Variants in TRPM5 observed in about 807,000 individuals in gnomAD.
TRPM5 encodes transient receptor potential cation channel subfamily M member 5.
Under a neutral mutation model 124.9 loss-of-function variants are expected in TRPM5, and 121 were observed. That is an observed-to-expected ratio of 0.97 (90% CI 0.84 to 1.13). TRPM5 has a LOEUF of 1.13. TRPM5 is among the 50% of genes most tolerant of loss of function. The pLI is 0.00. For missense variants in TRPM5, 1,643 were observed against 1,589.1 expected (o/e 1.03, Z -0.58); for synonymous variants, 781 against 700.5 (o/e 1.11, Z -1.81).
At chr11:2,427,445 C>T (rs968587979), upstream of TRPM5, among the ~76,000 whole-genome samples, 2 of 152,360 alleles carry the variant, frequency 1.3e-5, no homozygotes, top group African/African-American at 2.4e-5. Context: ...TCCTCTTCCC[C>T]GCCCACAACT....
At chr11:2,404,700 A>T (rs1242458939) in exon 24 of TRPM5, 1 of 531,106 alleles carries the variant, frequency 1.9e-6, no homozygotes, top group Non-Finnish European at 3.4e-6. Context: ...CTGCCCGGGG[A>T]GTTGTGCCTG....
At chr11:2,414,291 C>G in intron 11 of TRPM5, 85 bp from the exon 17 acceptor site, 1 of 1,502,902 alleles carries the variant, frequency 6.7e-7, no homozygotes, top group Non-Finnish European at 8.9e-7. Flanking sequence ...CCTGCCCAGA[C>G]CTGGGCTCTG....
intron 7 of TRPM5, among the ~76,000 whole-genome samples, chr11:2,416,869 C>A (rs1270389750): frequency 6.6e-6 from 1 of 152,202 alleles, no homozygotes; most frequent in African/African-American, 2.4e-5. Flanking sequence ...ACGCATCAAC[C>A]ACGGTCTGTC....
intron 18 of TRPM5, among the ~76,000 whole-genome samples, chr11:2,409,191 G>T (rs1159239727): frequency 6.6e-6 from 1 of 152,124 alleles, no homozygotes; most frequent in Non-Finnish European, 1.5e-5. Context: ...GTGAGCGCCA[G>T]CCCTCCCCAC....
upstream of TRPM5, among the ~76,000 whole-genome samples, chr11:2,426,583 C>T (rs1011776858): frequency 6.6e-6 from 1 of 152,096 alleles, no homozygotes; most frequent in African/African-American, 2.4e-5. Flanking sequence ...GGCAGCGGGG[C>T]ACCTGTAGCC....
chr11:2,424,853 G>A (rs903174343), upstream of TRPM5, among the ~76,000 whole-genome samples: 7 of 152,214 alleles, frequency 4.6e-5, no homozygotes, highest in Non-Finnish European at 7.3e-5. Flanking sequence ...ACCCCGGCAC[G>A]ACTTCTGGTG....
At chr11:2,405,588 G>C (rs1386816931) in exon 23 of TRPM5, 3 of 1,562,398 alleles carry the variant, frequency 1.9e-6, no homozygotes, top group Non-Finnish European at 2.6e-6. Flanking sequence ...CCGAGCAGTA[G>C]TTGATCTGGA....
intron 1 of TRPM5, among the ~76,000 whole-genome samples, chr11:2,422,716 T>A (rs1845789894): frequency 6.6e-6 from 1 of 151,840 alleles, no homozygotes; most frequent in African/African-American, 2.4e-5. Flanking sequence ...GGGGTCCCGG[T>A]TATTGCAGGG....
exon 15 of TRPM5, chr11:2,412,994 C>A: frequency 6.2e-7 from 1 of 1,605,208 alleles, no homozygotes; most frequent in Non-Finnish European, 8.5e-7. Flanking sequence ...CCCTCGGCGC[C>A]TCCACCAGCT....
chr11:2,407,063 C>T, intron 20 of TRPM5, 56 bp downstream of exon 25: 1 of 1,480,396 alleles, frequency 6.8e-7, no homozygotes, highest in African/African-American at 1.4e-5. Flanking sequence ...ACAGCCCCGC[C>T]CTGGGACCCG....
Position 2,420,046 on chromosome 11 carries a change from G to A in TRPM5, c.649+176C>T, listed in dbSNP as rs368333502. Reference sequence around the variant, plus strand: ...TCTGCCCAGACAGCTCCTCCTCCCAGGCCCCCACGGCCCAGGCCCCCACGG... The same window carrying A: ...TCTGCCCAGACAGCTCCTCCTCCCAAGCCCCCACGGCCCAGGCCCCCACGG... On this transcript the variant is annotated intron_variant, in intron 4 of 23. Coordinates refer to ENST00000155858, the Ensembl canonical transcript of TRPM5. 5.4e-3 allele frequency among the ~76,000 whole-genome samples: 408 copies of A among 75,644 alleles called. 3 individuals carry two copies. Among genetic ancestry groups the A allele is most frequent in the African/African-American group, 0.02 (387 of 18,980 alleles). 49.6% of individuals were successfully genotyped at this position (75,644 alleles called of 152,430 possible). A position where few individuals can be genotyped will look rare whatever the true frequency, so the allele number is the denominator to read the frequency against.
rs1845748157 is a variant in TRPM5, at chr11:2,420,083, G to A, written c.649+139C>T. ...CCAGGCCCCCACGGCCCAGGTCTCG[G>A]TGCTCAGGCATGCGGGGTGCGTTCT... On this transcript the variant is annotated intron_variant, in intron 4 of 23. Transcript: ENST00000155858. 3.2e-6 allele frequency: 3 copies of A among 945,618 alleles called. No individual in the cohort carries two copies. The East Asian group carries it at 8.0e-5, about 25-fold the overall frequency. The allele number at this position is 945,618 out of a possible 1,614,324, so 58.6% of individuals were successfully genotyped here. A position where few individuals can be genotyped will look rare whatever the true frequency, so the allele number is the denominator to read the frequency against.
chr11:2,408,264 T>G (rs1850365404), intron 18 of TRPM5, among the ~76,000 whole-genome samples: 1 of 152,062 alleles, frequency 6.6e-6, no homozygotes, highest in Admixed American at 6.5e-5. Context: ...GGACCCAGGT[T>G]TCTCCTGGTT....
intron 3 of TRPM5, among the ~76,000 whole-genome samples, chr11:2,420,698 C>T (rs1348903351): frequency 2.0e-5 from 3 of 152,332 alleles, no homozygotes; most frequent in African/African-American, 4.8e-5. Flanking sequence ...CTAGGGCTGG[C>T]GTCCAAACAT....
chr11:2,416,704 A>G (rs1486208935), intron 7 of TRPM5, among the ~76,000 whole-genome samples: 4 of 152,140 alleles, frequency 2.6e-5, no homozygotes, highest in Non-Finnish European at 5.9e-5. Flanking sequence ...CCCTTCCCAG[A>G]GCGTCCCCTC....
the TRPM5 span, among the ~76,000 whole-genome samples, chr11:2,428,597 G>C: frequency 6.6e-6 from 1 of 150,496 alleles, no homozygotes; most frequent in Non-Finnish European, 1.5e-5. This position sits in a 1 kb window ranked among gnomAD's most constrained non-coding sequence, Gnocchi z 4.0. Flanking sequence ...GTGGGCATGA[G>C]GGTAGTTGGG....
rs1335153299 is a variant in TRPM5, at chr11:2,414,212, C to T, written c.1745-6G>A. ...GTAGCACTCGGAGAAGAGGTCTGCC[C>T]CCGGAGGCCCTGGCCGCTAGGACGA... On this transcript the variant is annotated splice_region_variant and splice_polypyrimidine_tract_variant and intron_variant, in intron 11 of 23. Coordinates refer to ENST00000155858, the Ensembl canonical transcript of TRPM5. The T allele has an allele frequency of 3.1e-6, 5 of 1,606,064 alleles. No individual in the cohort carries two copies. Among genetic ancestry groups the T allele is most frequent in the African/African-American group, 1.3e-5 (1 of 74,906 alleles).
chr11:2,416,993 G>A (rs1325688060), intron 7 of TRPM5, among the ~76,000 whole-genome samples: 1 of 152,166 alleles, frequency 6.6e-6, no homozygotes, highest in Non-Finnish European at 1.5e-5. Flanking sequence ...CCATGGACAC[G>A]AAATGCCCGT....
intron 7 of TRPM5, 76 bp downstream of exon 12, chr11:2,417,651 G>T: frequency 8.3e-7 from 1 of 1,204,200 alleles, no homozygotes; most frequent in Non-Finnish European, 1.2e-6. Flanking sequence ...CATTGGCCAG[G>T]CTGCCAAACC....
Sources: gnomAD v4.1 joint callset for allele counts (sites outside exome capture counted in the v4.1 genomes callset) on GRCh38, gnomAD v4.1.1 for gene constraint, Gnocchi (gnomAD v3.1) non-coding constraint, MANE v1.5 for transcripts, NCBI Gene and HGNC (gene_info 2026-07-23, HGNC 2026-07-21) for gene names.